The following VTI1A variants were observed in gnomAD, a reference collection of about 807,000 sequenced individuals.
The protein encoded by VTI1A is vesicle transport through interaction with t-SNAREs 1A, also known as vesicle transport through interaction with t-SNAREs homolog 1A.
In VTI1A, 22 loss-of-function variants were observed where a neutral mutation model predicts 34.9. That is an observed-to-expected ratio of 0.63 (90% CI 0.45 to 0.90). The LOEUF is 0.90. Ranked by LOEUF, VTI1A falls within the 40% of genes least tolerant of loss-of-function variation. The pLI is 0.00. For synonymous variants in VTI1A, 87 were observed against 97.3 expected, an observed-to-expected ratio of 0.89 and a Z score of 0.62; for missense variants, 268 against 275.6, an observed-to-expected ratio of 0.97 and a Z score of 0.20.
chr10:112,828,617 G>C, the VTI1A span, among the ~76,000 whole-genome samples: 1 of 152,046 alleles, frequency 6.6e-6, no homozygotes, highest in South Asian at 2.1e-4. Flanking sequence ...GTGTTAGCCA[G>C]GATGGTCTCG....
intron 7 of VTI1A, among the ~76,000 whole-genome samples, chr10:112,736,111 G>GTGTGTATATA (rs778802494): frequency 1.0e-4 from 12 of 116,224 alleles, no homozygotes; most frequent in African/African-American, 4.5e-4. Flanking sequence ...ATGTGTGTGT[G>GTGTGTATATA]TATATATATA....
chr10:112,566,501 C>T (rs546679353), intron 5 of VTI1A, among the ~76,000 whole-genome samples: 28 of 152,186 alleles, frequency 1.8e-4, no homozygotes, highest in Non-Finnish European at 1.8e-4. Flanking sequence ...TCTTGCAGAT[C>T]GGCAGATTCT....
At chr10:112,547,832 CTTTG>C (rs1018239434) in intron 5 of VTI1A, among the ~76,000 whole-genome samples, 19 of 152,030 alleles carry the variant, frequency 1.2e-4, no homozygotes, top group South Asian at 2.1e-4. Context: ...GTGTACACCA[CTTTG>C]TTTGTTTTTG....
intron 7 of VTI1A, among the ~76,000 whole-genome samples, chr10:112,697,478 CT>C (rs1424134144): frequency 6.7e-6 from 1 of 149,688 alleles, no homozygotes; most frequent in Non-Finnish European, 1.5e-5. Flanking sequence ...CTCACTGCAA[CT>C]TCTGCCTCCC....
At chr10:112,448,827 A>T (rs1473869378) in intron 1 of VTI1A, 1 of 152,090 alleles carries the variant, frequency 6.6e-6, no homozygotes, top group African/African-American at 2.4e-5. Context: ...TTTATAAGTA[A>T]TTTTCTTCCC....
At chr10:112,684,553 C>T (rs1848335596) in intron 7 of VTI1A, among the ~76,000 whole-genome samples, 1 of 151,850 alleles carries the variant, frequency 6.6e-6, no homozygotes, top group South Asian at 2.1e-4. Flanking sequence ...ATTCTCCTGC[C>T]TCAGCCTCCT....
At chr10:112,509,532 G>GCA (rs1564806263) in intron 3 of VTI1A, among the ~76,000 whole-genome samples, 1 of 152,200 alleles carries the variant, frequency 6.6e-6, no homozygotes, top group Non-Finnish European at 1.5e-5. Flanking sequence ...ATGCCCTGTG[G>GCA]TTCATGTGAG....
At chr10:112,559,120 G>C (rs1214554657) in intron 5 of VTI1A, among the ~76,000 whole-genome samples, 1 of 152,080 alleles carries the variant, frequency 6.6e-6, no homozygotes, top group African/African-American at 2.4e-5. Context: ...TTCATTTAAA[G>C]GAATAGGAAA....
chr10:112,476,418 T>A (rs1317405997), intron 3 of VTI1A, among the ~76,000 whole-genome samples: 1 of 152,198 alleles, frequency 6.6e-6, no homozygotes, highest in Non-Finnish European at 1.5e-5. Flanking sequence ...ATACTATTAC[T>A]TGGAAAGAAA....
rs934578769 is a variant in VTI1A at position 112,650,681 on chromosome 10, G to A, written c.428-17537G>A. ...AGTAATGCATTGTGCTACGATGTTC[G>A]ACAGCTACCATGTCACTAGGGATAG... is the stretch of plus-strand genomic sequence containing the variant. On this transcript the variant is annotated intron_variant, in intron 5 of 7. Coordinates refer to ENST00000393077, the MANE Select transcript of VTI1A (RefSeq NM_145206.4). Among the ~76,000 whole-genome samples the A allele has an allele frequency of 2.0e-5, 3 of 152,068 alleles. No homozygotes were observed. In the East Asian group the frequency reaches 5.8e-4, roughly 29 times the overall value.
chr10:112,449,903 T>C (rs929042682), intron 1 of VTI1A: 1 of 152,232 alleles, frequency 6.6e-6, no homozygotes, highest in Non-Finnish European at 1.5e-5. Flanking sequence ...ATAATCATAA[T>C]TCTTTTTTCT....
intron 7 of VTI1A, among the ~76,000 whole-genome samples, chr10:112,688,521 C>CTTTTTTTTTTT (rs59853999): frequency 3.4e-5 from 4 of 116,422 alleles, no homozygotes; most frequent in Admixed American, 9.3e-5. Context: ...CAATTTTTTT[C>CTTTTTTTTTTT]TTTTTTTTTT....
the VTI1A span, among the ~76,000 whole-genome samples, chr10:112,829,007 G>A: frequency 6.6e-6 from 1 of 152,154 alleles, no homozygotes; most frequent in Admixed American, 6.5e-5. Flanking sequence ...GCAATTAACT[G>A]CTGTAGGAGT....
At position 112,818,092 on chromosome 10, in the gene VTI1A, G is replaced by A. The variant is rs1483999932; in HGVS notation, c.*2709G>A. On this transcript the variant is annotated 3_prime_UTR_variant, in exon 8 of 8. Coordinates refer to ENST00000393077, the MANE Select transcript of VTI1A (RefSeq NM_145206.4). ...ACGTCAGCTGCCGGGCCTGGGCTGGGAGGCCATTTGCTATTCTGTTTAAGG... is the reference window on the plus strand; with the variant it reads ...ACGTCAGCTGCCGGGCCTGGGCTGGAAGGCCATTTGCTATTCTGTTTAAGG... 1 of 233,450 alleles carries A rather than the reference G, an allele frequency of 4.3e-6. No homozygotes were observed. The highest frequency in any genetic ancestry group is 2.2e-5 in the African/African-American group (1 of 45,360). The allele number at this position is 233,450 out of a possible 1,614,324, so 14.5% of individuals were successfully genotyped here.
At chr10:112,517,555 C>T (rs1324630047) in intron 3 of VTI1A, among the ~76,000 whole-genome samples, 2 of 151,984 alleles carry the variant, frequency 1.3e-5, no homozygotes, top group African/African-American at 2.4e-5. Flanking sequence ...AAAAGGGTAA[C>T]GTTACAGTGA....
At chr10:112,697,355 G>T (rs1848826876) in intron 7 of VTI1A, among the ~76,000 whole-genome samples, 1 of 150,228 alleles carries the variant, frequency 6.7e-6, no homozygotes. Flanking sequence ...CTCCACACCT[G>T]GCTAATTCTG....
chr10:112,576,245 C>T lies in VTI1A; in HGVS notation c.427+37915C>T, dbSNP rs913939072. ...CCGTGTTAGCTAAGATGGTCTCGAT[C>T]TCCTGACCTCGTGATCCGCCCCGCT... On this transcript the variant is annotated intron_variant, in intron 5 of 7. Transcript: ENST00000393077. Among the ~76,000 whole-genome samples, 6 of 151,322 alleles carry T rather than the reference C, an allele frequency of 4.0e-5. 1 individual carries two copies. In the South Asian group the frequency reaches 6.3e-4, roughly 16 times the overall value.
At chr10:112,852,639 C>T in the VTI1A span, among the ~76,000 whole-genome samples, 1 of 152,226 alleles carries the variant, frequency 6.6e-6, no homozygotes, top group South Asian at 2.1e-4. Flanking sequence ...CAATGGATGT[C>T]TATGGTGCAT....
chr10:112,793,840 C>T (rs1852578133), intron 7 of VTI1A, among the ~76,000 whole-genome samples: 1 of 152,196 alleles, frequency 6.6e-6, no homozygotes, highest in African/African-American at 2.4e-5. Context: ...TGTTTTACGA[C>T]ATCATTGCAG....
Sources: allele counts gnomAD v4.1 joint callset (sites outside exome capture counted in the v4.1 genomes callset), GRCh38; gene constraint gnomAD v4.1.1; transcripts MANE v1.5; gene names NCBI Gene and HGNC (gene_info 2026-07-23, HGNC 2026-07-21).